Variants in MYO5A observed in about 807,000 individuals in gnomAD.
The protein encoded by MYO5A is myosin VA.
Under a neutral mutation model 249.7 loss-of-function variants are expected in MYO5A, and 98 were observed. The observed-to-expected ratio is 0.39, with a 90% CI of 0.33 to 0.46. MYO5A has a LOEUF of 0.46. MYO5A is among the 20% of genes least tolerant of loss of function. The probability of loss-of-function intolerance (pLI) is 0.98; values close to 1 mark genes in which losing one functional copy is unlikely to be tolerated. For synonymous variants in MYO5A, 778 were observed against 810.6 expected (o/e 0.96, Z 0.68); for missense variants, 1,696 against 2,308.8 (o/e 0.73, Z 5.44).
At chr15:52,391,784 G>A in intron 12 of MYO5A, 146 bp downstream of exon 12, 1 of 754,734 alleles carries the variant, frequency 1.3e-6, no homozygotes, top group South Asian at 1.7e-5. Flanking sequence ...GGGGTCTAGT[G>A]TCCCTTTGGA....
At chr15:52,466,273 A>G (rs1348477851) in intron 1 of MYO5A, among the ~76,000 whole-genome samples, 2 of 152,122 alleles carry the variant, frequency 1.3e-5, no homozygotes, top group Non-Finnish European at 2.9e-5. Flanking sequence ...GGGCTTGGGG[A>G]ACTGAAACCT....
intron 22 of MYO5A, among the ~76,000 whole-genome samples, chr15:52,368,750 T>G (rs2040943459): frequency 6.6e-6 from 1 of 152,096 alleles, no homozygotes. Context: ...CTAAAGTTAG[T>G]GCCTACAGCT....
intron 1 of MYO5A, among the ~76,000 whole-genome samples, chr15:52,448,883 G>A (rs1041555299): frequency 6.7e-6 from 1 of 149,272 alleles, no homozygotes; most frequent in African/African-American, 2.5e-5. Flanking sequence ...GGAATCGGGA[G>A]CCAATCAAAC....
At chr15:52,479,553 G>A (rs568061483) in intron 1 of MYO5A, among the ~76,000 whole-genome samples, 2 of 152,108 alleles carry the variant, frequency 1.3e-5, no homozygotes, top group South Asian at 4.1e-4. Context: ...AGAGGTTGTG[G>A]TATATCTATA....
At chr15:52,320,389 A>C (rs1379139462) in intron 38 of MYO5A, among the ~76,000 whole-genome samples, 2 of 152,172 alleles carry the variant, frequency 1.3e-5, no homozygotes, top group Non-Finnish European at 2.9e-5. Flanking sequence ...GTAAGGATTT[A>C]GATTGGGGCT....
At chr15:52,427,341 A>C (rs2075417820) in intron 3 of MYO5A, among the ~76,000 whole-genome samples, 1 of 152,204 alleles carries the variant, frequency 6.6e-6, no homozygotes. Flanking sequence ...CTAGTGGGAA[A>C]TTCAGACAAT....
At position 52,366,902 on chromosome 15, in the gene MYO5A, CTGA is replaced by C; in HGVS notation, c.3160+126_3160+128del. 4 of 819,290 alleles carry C rather than the reference CTGA, an allele frequency of 4.9e-6. No homozygotes were observed. The Admixed American group carries it at 8.3e-5, about 17-fold the overall frequency. 50.8% of individuals were successfully genotyped at this position (819,290 alleles called of 1,614,324 possible). A position where few individuals can be genotyped will look rare whatever the true frequency, so the allele number is the denominator to read the frequency against. On this transcript the variant is annotated intron_variant, in intron 23 of 41. Coordinates refer to ENST00000399233, the MANE Select transcript of MYO5A (RefSeq NM_001382347.1). ...TGCCTCTTGGAACTTTATAAATTTG[CTGA>C]TGACAGCCTCAACTTTTAAAAATAT... is the stretch of plus-strand genomic sequence containing the variant.
At chr15:52,503,076 T>G (rs1363180431) in intron 1 of MYO5A, among the ~76,000 whole-genome samples, 1 of 152,130 alleles carries the variant, frequency 6.6e-6, no homozygotes, top group Non-Finnish European at 1.5e-5. Flanking sequence ...GGCACAAATA[T>G]TAATATACAG....
At chr15:52,426,734 A>T (rs2075403896) in intron 3 of MYO5A, among the ~76,000 whole-genome samples, 1 of 152,240 alleles carries the variant, frequency 6.6e-6, no homozygotes, top group Non-Finnish European at 1.5e-5. Flanking sequence ...TGCTGGGATT[A>T]CAGGGTAAGC....
At chr15:52,344,020 T>C (rs1418577751) in intron 30 of MYO5A, among the ~76,000 whole-genome samples, 2 of 152,204 alleles carry the variant, frequency 1.3e-5, no homozygotes, top group Non-Finnish European at 2.9e-5. Context: ...ACGCAGAGGC[T>C]TGGAAGTAAG....
At chr15:52,373,262 C>T (rs911546072) in intron 20 of MYO5A, among the ~76,000 whole-genome samples, 8 of 152,002 alleles carry the variant, frequency 5.3e-5, no homozygotes, top group African/African-American at 1.9e-4. Context: ...AAAAAGACAC[C>T]GTGTAAACAT....
intron 1 of MYO5A, among the ~76,000 whole-genome samples, chr15:52,526,486 T>A (rs950917127): frequency 6.6e-6 from 1 of 152,134 alleles, no homozygotes; most frequent in African/African-American, 2.4e-5. Context: ...CTCAGCCTCC[T>A]GAGTAGCTGG....
At chr15:52,490,711 A>G (rs1423919016) in intron 1 of MYO5A, among the ~76,000 whole-genome samples, 1 of 151,942 alleles carries the variant, frequency 6.6e-6, no homozygotes, top group Non-Finnish European at 1.5e-5. Context: ...TTGTACAACA[A>G]TATGTTGTTG....
intron 1 of MYO5A, among the ~76,000 whole-genome samples, chr15:52,519,871 C>T (rs554998732): frequency 4.6e-4 from 70 of 152,018 alleles, no homozygotes; most frequent in Admixed American, 2.1e-3. Flanking sequence ...GCTGGGATTA[C>T]AGGCACACGC....
At position 52,376,366 on chromosome 15, in the gene MYO5A, G is replaced by A. The variant is rs376727710; in HGVS notation, c.2401C>T (p.Arg801Trp). 7.4e-6 allele frequency: 12 copies of A among 1,613,936 alleles called. No individual in the cohort carries two copies. Among genetic ancestry groups the A allele is most frequent in the African/African-American group, 4.0e-5 (3 of 74,922 alleles). ...KAAITMQRYV[R>W]GYQARCYAKF... ...ACCTACCATCGGGCCTGGTAGCCCC[G>A]CACGTATCTCTGCATGGTGATGGCT... The change falls in exon 19 of 42, where the codon CGG (arginine) becomes TGG (tryptophan). Residue 801 changes from arginine (R) to tryptophan (W), a missense_variant. By Grantham distance (101) the Arg-to-Trp change is moderately radical. Around this residue, in one of 5 missense-constraint regions of MYO5A, gnomAD observed 412 missense variants for 453.3 expected, o/e 0.91. Transcript: ENST00000399233.
chr15:52,392,039 A>G lies in MYO5A; in HGVS notation c.1433T>C (p.Met478Thr), dbSNP rs2042259942. 6.2e-7 allele frequency: 1 copy of G among 1,612,116 alleles called. No individual in the cohort carries two copies. Among genetic ancestry groups the G allele is most frequent in the Non-Finnish European group, 8.5e-7 (1 of 1,179,068 alleles). The change falls in exon 12 of 42, where the codon ATG (methionine) becomes ACG (threonine). Residue 478 changes from methionine to threonine, a missense_variant. Met to Thr is a moderately conservative substitution (Grantham distance 81). This residue lies in a region of MYO5A where 277 missense variants were observed against 422.4 expected (regional missense o/e 0.66). Coordinates refer to ENST00000399233, the MANE Select transcript of MYO5A (RefSeq NM_001382347.1). ...HVFKLEQEEYMKEQIPWTLID... is the reference protein window; with the variant it reads ...HVFKLEQEEYTKEQIPWTLID... ...GAGTGTCCATGGAATTTGTTCCTTC[A>G]TATATTCTTCTTGCTCCAATTTGAA...
intron 1 of MYO5A, among the ~76,000 whole-genome samples, chr15:52,524,840 C>G (rs993136470): frequency 5.0e-4 from 75 of 151,446 alleles, no homozygotes; most frequent in Admixed American, 1.6e-3. Flanking sequence ...TGCACTCCAG[C>G]CTGGGTGACA....
intron 36 of MYO5A, among the ~76,000 whole-genome samples, chr15:52,325,152 T>C (rs184532444): frequency 1.3e-3 from 192 of 152,286 alleles, no homozygotes; most frequent in African/African-American, 4.3e-3. Flanking sequence ...AGACAATGAA[T>C]GCAGATTGGG....
At chr15:52,371,920 A>G (rs1464536886) in intron 21 of MYO5A, among the ~76,000 whole-genome samples, 2 of 144,938 alleles carry the variant, frequency 1.4e-5, no homozygotes, top group Non-Finnish European at 3.0e-5. Flanking sequence ...AATAATAATA[A>G]TAACTTCCTG....
Sources: gnomAD v4.1 joint callset for allele counts (sites outside exome capture counted in the v4.1 genomes callset) on GRCh38, gnomAD v4.1.1 for gene constraint, gnomAD v4.1.1 regional missense constraint, MANE v1.5 for transcripts, NCBI Gene and HGNC (gene_info 2026-07-23, HGNC 2026-07-21) for gene names.